TRPC4: variants seen among roughly 807,000 people sequenced by gnomAD.
TRPC4 encodes short transient receptor potential channel 4.
TRPC4 carries 49 observed loss-of-function variants against 99.4 expected under a neutral mutation model. That is an observed-to-expected ratio of 0.49 (90% CI 0.39 to 0.63). The LOEUF (loss-of-function observed/expected upper bound fraction) is 0.63, where lower values mean the gene tolerates loss of function less well. TRPC4 is among the 20% of genes least tolerant of loss of function. TRPC4 has a pLI of 0.00. For synonymous variants in TRPC4, 454 were observed against 425.9 expected (o/e 1.07, Z -0.81); for missense variants, 898 against 1,152.9 (o/e 0.78, Z 3.20).
At chr13:37,650,259 A>G (rs1240734009) in intron 8 of TRPC4, among the ~76,000 whole-genome samples, 1 of 152,212 alleles carries the variant, frequency 6.6e-6, no homozygotes, top group East Asian at 1.9e-4. Context: ...TTACTTGCTA[A>G]TCCTAATATG....
At chr13:37,680,380 G>A (rs543741969) in intron 4 of TRPC4, among the ~76,000 whole-genome samples, 6 of 152,280 alleles carry the variant, frequency 3.9e-5, no homozygotes, top group African/African-American at 1.2e-4. Flanking sequence ...TCAACTCAAC[G>A]AGCAATCAGC....
At chr13:37,812,665 G>A (rs1957736073) in intron 1 of TRPC4, among the ~76,000 whole-genome samples, 1 of 151,974 alleles carries the variant, frequency 6.6e-6, no homozygotes, top group Non-Finnish European at 1.5e-5. Flanking sequence ...TATTTAATTA[G>A]TGCCTCTTGA....
intron 3 of TRPC4, among the ~76,000 whole-genome samples, chr13:37,707,615 T>C (rs1954328067): frequency 6.6e-6 from 1 of 152,136 alleles, no homozygotes; most frequent in Non-Finnish European, 1.5e-5. Flanking sequence ...TCAGTACTAA[T>C]ATCCATTCCA....
rs1317874847 is a variant in TRPC4, at chr13:37,632,681, C to G, written c.*4222G>C. On this transcript the variant is annotated 3_prime_UTR_variant, in exon 11 of 11. Transcript: ENST00000379705. ...TCTCTAATGTTTTTCAGTTGAGAAGCTTTGATATAATTTAATACATTTTAT... is the reference window on the plus strand; with the variant it reads ...TCTCTAATGTTTTTCAGTTGAGAAGGTTTGATATAATTTAATACATTTTAT... Among the ~76,000 whole-genome samples, 1 of 152,150 alleles carries G rather than the reference C, an allele frequency of 6.6e-6. No homozygotes were observed. Among genetic ancestry groups the G allele is most frequent in the African/African-American group, 2.4e-5 (1 of 41,444 alleles).
chr13:37,780,280 T>C (rs1956805379), intron 2 of TRPC4, among the ~76,000 whole-genome samples: 1 of 152,172 alleles, frequency 6.6e-6, no homozygotes, highest in African/African-American at 2.4e-5. Flanking sequence ...ATTTAAAAAC[T>C]ACTAAGTGTT....
At chr13:37,764,026 G>A (rs903387906) in intron 2 of TRPC4, among the ~76,000 whole-genome samples, 2 of 151,670 alleles carry the variant, frequency 1.3e-5, no homozygotes, top group Non-Finnish European at 2.9e-5. Context: ...CCATTGTTGA[G>A]GAGCATGACA....
intron 3 of TRPC4, among the ~76,000 whole-genome samples, chr13:37,719,419 A>G (rs1954789643): frequency 1.3e-5 from 2 of 152,174 alleles, no homozygotes; most frequent in African/African-American, 4.8e-5. Context: ...TTTGTTGCCA[A>G]CAGACATGTA....
intron 1 of TRPC4, among the ~76,000 whole-genome samples, chr13:37,860,686 C>A (rs774462654): frequency 6.6e-6 from 1 of 151,312 alleles, no homozygotes; most frequent in Non-Finnish European, 1.5e-5. Context: ...GGATTTTCAC[C>A]ATATGCACCA....
chr13:37,763,046 G>A (rs1956267202), intron 2 of TRPC4, among the ~76,000 whole-genome samples: 2 of 151,178 alleles, frequency 1.3e-5, no homozygotes, highest in South Asian at 4.2e-4. Context: ...GGTAAAATTT[G>A]GCCTTGAACA....
At position 37,632,802 on chromosome 13, in the gene TRPC4, A is replaced by AAAT. The variant is rs1736107508; in HGVS notation, c.*4098_*4100dup. Among the ~76,000 whole-genome samples, 1 of 152,226 alleles carries AAAT rather than the reference A, an allele frequency of 6.6e-6. No individual in the cohort carries two copies. Among genetic ancestry groups the AAAT allele is most frequent in the African/African-American group, 2.4e-5 (1 of 41,470 alleles). On this transcript the variant is annotated 3_prime_UTR_variant, in exon 11 of 11. Transcript: ENST00000379705. ...AAACAGTAAGAAACCAGCTTTTTAA[A>AAAT]AATTCTCTTAACACAACTTTGTAGA... is the stretch of plus-strand genomic sequence containing the variant.
At chr13:37,708,017 G>A (rs572609119) in intron 3 of TRPC4, among the ~76,000 whole-genome samples, 2 of 152,132 alleles carry the variant, frequency 1.3e-5, no homozygotes, top group South Asian at 4.1e-4. Context: ...AAAGTTAACA[G>A]TCCTCATGTC....
chr13:37,684,855 A>G (rs1953409221), intron 4 of TRPC4, among the ~76,000 whole-genome samples: 1 of 151,340 alleles, frequency 6.6e-6, no homozygotes, highest in African/African-American at 2.4e-5. Context: ...AAAAAATAAT[A>G]ATGTCCTTGA....
chr13:37,749,977 C>T (rs1037052327), intron 2 of TRPC4, among the ~76,000 whole-genome samples: 1 of 152,090 alleles, frequency 6.6e-6, no homozygotes, highest in African/African-American at 2.4e-5. Context: ...ACAAGCCTCC[C>T]ACTTGTTACT....
chr13:37,704,415 G>A (rs959357538), intron 3 of TRPC4, among the ~76,000 whole-genome samples: 6 of 152,116 alleles, frequency 3.9e-5, no homozygotes, highest in Non-Finnish European at 7.3e-5. Context: ...GGCTGAGCAT[G>A]GTGGCTCATG....
At chr13:37,731,016 T>C (rs1955222258) in intron 3 of TRPC4, among the ~76,000 whole-genome samples, 1 of 152,026 alleles carries the variant, frequency 6.6e-6, no homozygotes. Flanking sequence ...CAAAGTATAA[T>C]AACTGGGGTC....
chr13:37,770,184 A>C (rs953762842), intron 2 of TRPC4, among the ~76,000 whole-genome samples: 1 of 151,470 alleles, frequency 6.6e-6, no homozygotes, highest in African/African-American at 2.4e-5. Flanking sequence ...CTGAAAATTT[A>C]TATGATAAAT....
chr13:37,742,194 C>T (rs1955612477), intron 3 of TRPC4, among the ~76,000 whole-genome samples: 1 of 152,094 alleles, frequency 6.6e-6, no homozygotes, highest in South Asian at 2.1e-4. Context: ...ATATCTATGG[C>T]ATGAAATTAA....
intron 1 of TRPC4, among the ~76,000 whole-genome samples, chr13:37,865,143 T>A (rs1459953380): frequency 6.6e-6 from 1 of 151,772 alleles, no homozygotes; most frequent in Non-Finnish European, 1.5e-5. Context: ...ATTCAGCTAA[T>A]CGATGTCTTT....
chr13:37,639,954 G>A (rs1951664428), intron 8 of TRPC4, among the ~76,000 whole-genome samples: 1 of 151,918 alleles, frequency 6.6e-6, no homozygotes. Context: ...GCACAGGGCA[G>A]TGATTTGGGA....
Sources: allele counts gnomAD v4.1 joint callset (sites outside exome capture counted in the v4.1 genomes callset), GRCh38; gene constraint gnomAD v4.1.1; transcripts MANE v1.5; gene names NCBI Gene and HGNC (gene_info 2026-07-23, HGNC 2026-07-21).